LATS2: variants seen among roughly 807,000 people sequenced by gnomAD.
LATS2 encodes large tumor suppressor kinase 2.
In LATS2, 24 loss-of-function variants were observed where a neutral mutation model predicts 76.0. The ratio of observed to expected loss-of-function variants is 0.32; its 90% CI spans 0.23 to 0.44. The LOEUF (loss-of-function observed/expected upper bound fraction) is 0.44. Among genes scored for constraint, LATS2 ranks in the 20% least tolerant of loss-of-function variants. The pLI is 1.00. For missense variants in LATS2, 1,286 were observed against 1,481.2 expected (o/e 0.87, Z 2.16); for synonymous variants, 692 against 635.4 (o/e 1.09, Z -1.34).
chr13:20,987,056 G>C (rs1007480532), intron 4 of LATS2, among the ~76,000 whole-genome samples: 1 of 152,234 alleles, frequency 6.6e-6, no homozygotes, highest in Middle Eastern at 3.4e-3. Context: ...ATGGCCAGGC[G>C]TGGTGGTAGG....
At chr13:21,049,893 G>A (rs1433532741) in intron 1 of LATS2, among the ~76,000 whole-genome samples, 3 of 152,078 alleles carry the variant, frequency 2.0e-5, no homozygotes, top group Non-Finnish European at 2.9e-5. Flanking sequence ...TGCCGAGGCA[G>A]GCAGATCACT....
intron 2 of LATS2, among the ~76,000 whole-genome samples, chr13:21,030,591 CAAAAAAAAAAAA>C (rs374884189): frequency 3.5e-4 from 9 of 25,728 alleles, no homozygotes; most frequent in Non-Finnish European, 6.3e-4. Context: ...GACTCCGTCT[CAAAAAAAAAAAA>C]AAAAAAAAGA....
rs534437729 is a variant in LATS2 at position 20,974,055 on chromosome 13, C to G, written c.*815G>C. The G allele has an allele frequency of 5.0e-5, 11 of 219,412 alleles. 1 individual carries two copies. In the South Asian group the frequency reaches 1.5e-3, roughly 30 times the overall value. The allele number at this position is 219,412 out of a possible 1,614,324, so 13.6% of individuals were successfully genotyped here. A position where few individuals can be genotyped will look rare whatever the true frequency, so the allele number is the denominator to read the frequency against. Reference sequence around the variant, plus strand: ...ACACATCTGCATTTCTTTAACAAAACAGTAAGAGATACAATCATAGCGAAG... The same window carrying G: ...ACACATCTGCATTTCTTTAACAAAAGAGTAAGAGATACAATCATAGCGAAG... On this transcript the variant is annotated 3_prime_UTR_variant, in exon 8 of 8. Transcript: ENST00000382592.
intron 2 of LATS2, among the ~76,000 whole-genome samples, chr13:20,995,769 A>G (rs1870725384): frequency 6.7e-6 from 1 of 148,826 alleles, no homozygotes; most frequent in Non-Finnish European, 1.5e-5. Flanking sequence ...TCCATTATCT[A>G]GTTTGCACAC....
rs141238358 is a variant in LATS2 at position 20,989,208 on chromosome 13, T to C, written c.572A>G (p.Tyr191Cys). The C allele has an allele frequency of 4.3e-4, 701 of 1,613,608 alleles. No individual in the cohort carries two copies. Among genetic ancestry groups the C allele is most frequent in the Non-Finnish European group, 5.6e-4 (663 of 1,179,994 alleles). Residue 191 changes from tyrosine (Y) to cysteine (C), a missense_variant, in exon 4 of 8, where the codon TAC (tyrosine) becomes TGC (cysteine). Physicochemically the swap from Tyr to Cys is radical, Grantham distance 194. Transcript: ENST00000382592. ...GTCAGCGCCGAAGCTTGGGCCCTCGTAGGGGGTACCGCTCAGCTGGTGGTA... is the reference window on the plus strand; with the variant it reads ...GTCAGCGCCGAAGCTTGGGCCCTCGCAGGGGGTACCGCTCAGCTGGTGGTA... The part of the protein sequence containing the change: ...ASYHQLSGTP[Y>C]EGPSFGADGP...
chr13:21,047,059 T>C (rs1271021233), intron 1 of LATS2, among the ~76,000 whole-genome samples: 1 of 152,160 alleles, frequency 6.6e-6, no homozygotes, highest in Non-Finnish European at 1.5e-5. Flanking sequence ...AGCATGGAAA[T>C]GGCCTCGTTA....
At chr13:21,060,657 G>C (rs868866416) in intron 1 of LATS2, among the ~76,000 whole-genome samples, 91 of 151,768 alleles carry the variant, frequency 6.0e-4, no homozygotes, top group African/African-American at 2.0e-3. Context: ...CGCGGCAGTG[G>C]GTGAGGCGGC....
At chr13:21,020,785 C>A (rs994909930) in intron 2 of LATS2, among the ~76,000 whole-genome samples, 1 of 152,138 alleles carries the variant, frequency 6.6e-6, no homozygotes, top group Non-Finnish European at 1.5e-5. Flanking sequence ...CAGGCAACCC[C>A]GTCATGCAAG....
Position 20,974,873 on chromosome 13 carries a change from C to T in LATS2, c.3264G>A (p.Val1088=). ...DQTEGCQPVY[V] is the part of the protein sequence containing the mutation. The stretch of plus-strand genomic sequence containing the variant: ...GGTGGGGGTGCCTGGCCCCCATCTA[C>T]ACGTACACAGGCTGGCAGCCTTCAG... Residue 1088 remains valine (V), a synonymous_variant, in exon 8 of 8, where the codon GTG becomes GTA. Coordinates refer to ENST00000382592, the MANE Select transcript of LATS2 (RefSeq NM_014572.3). 1 of 1,608,252 alleles carries T rather than the reference C, an allele frequency of 6.2e-7. No individual in the cohort carries two copies. The highest frequency in any genetic ancestry group is 8.5e-7 in the Non-Finnish European group (1 of 1,177,158).
At chr13:20,980,359 G>A (rs78049554) in intron 6 of LATS2, among the ~76,000 whole-genome samples, 5,305 of 152,324 alleles carry the variant, frequency 0.035, 121 homozygotes, top group East Asian at 0.057. Context: ...TGGCCTCTGG[G>A]AGGCTGTAGG....
chr13:21,056,214 T>G (rs532469301), intron 1 of LATS2, among the ~76,000 whole-genome samples: 42 of 150,818 alleles, frequency 2.8e-4, no homozygotes, highest in African/African-American at 1.0e-3. Context: ...TGAGGGGGAG[T>G]TTCGCCATGA....
chr13:21,040,977 C>CT (rs1268024897), intron 2 of LATS2, among the ~76,000 whole-genome samples: 3,347 of 147,320 alleles, frequency 0.023, 99 homozygotes, highest in African/African-American at 0.075. Flanking sequence ...ATGTGTTCAC[C>CT]TTTTTTTTTT....
chr13:20,985,941 G>C (rs1870120301), intron 4 of LATS2, among the ~76,000 whole-genome samples: 1 of 152,088 alleles, frequency 6.6e-6, no homozygotes, highest in Non-Finnish European at 1.5e-5. Context: ...CTGCTCGGTA[G>C]GCTGAGGCAG....
chr13:21,054,314 C>T (rs1400166308), intron 1 of LATS2, among the ~76,000 whole-genome samples: 1 of 152,094 alleles, frequency 6.6e-6, no homozygotes, highest in African/African-American at 2.4e-5. Flanking sequence ...CAAAAATTAG[C>T]TGGAAATCGC....
chr13:21,044,149 A>G (rs181624868), intron 2 of LATS2, among the ~76,000 whole-genome samples: 1 of 152,232 alleles, frequency 6.6e-6, no homozygotes, highest in Non-Finnish European at 1.5e-5. Flanking sequence ...AACAATCCTC[A>G]CTATATACAA....
Position 21,058,591 on chromosome 13 carries a change from T to C in LATS2, c.-205+2755A>G, listed in dbSNP as rs989244828. On this transcript the variant is annotated intron_variant, in intron 1 of 7. Coordinates refer to ENST00000382592, the MANE Select transcript of LATS2 (RefSeq NM_014572.3). ...AACATGTACAGCTCCAATTTACACTTAAACTATTTCAAACTCGATGGAGAA... is the reference window on the plus strand; with the variant it reads ...AACATGTACAGCTCCAATTTACACTCAAACTATTTCAAACTCGATGGAGAA... Among the ~76,000 whole-genome samples, 4 of 152,240 alleles carry C rather than the reference T, an allele frequency of 2.6e-5. No individual in the cohort carries two copies. The East Asian group carries it at 7.7e-4, about 29-fold the overall frequency.
rs749117314 is a variant in LATS2, at chr13:20,975,244, C to G, written c.2893G>C (p.Asp965His). The stretch of plus-strand genomic sequence containing the variant: ...AAGAAGGGGTGGGCCTTCAGGTCAT[C>G]GGCCCCATTCCGCCCCAGGCGGTGG... ...ADHRLGRNGA[D>H]DLKAHPFFSA... Residue 965 changes from aspartate (D) to histidine (H), a missense_variant, in exon 8 of 8, where the codon GAT becomes CAT. Asp to His is a moderately conservative substitution (Grantham distance 81). This residue lies in a region of LATS2 where 210 missense variants were observed against 234.9 expected (regional missense o/e 0.89). Coordinates refer to ENST00000382592, the MANE Select transcript of LATS2 (RefSeq NM_014572.3). The G allele has an allele frequency of 2.5e-6, 4 of 1,614,218 alleles. No homozygotes were observed. In the Admixed American group the frequency reaches 6.7e-5, roughly 27 times the overall value.
chr13:20,975,224 G>C lies in LATS2; in HGVS notation c.2913C>G (p.Pro971=). ...TGGAGAAGTCAATGGCGCTGAAGAA[G>C]GGGTGGGCCTTCAGGTCATCGGCCC... ...RNGADDLKAH[P]FFSAIDFSSD... The change falls in exon 8 of 8, where the codon CCC becomes CCG. Residue 971 remains proline, a synonymous_variant. Transcript: ENST00000382592. The C allele has an allele frequency of 6.2e-7, 1 of 1,614,248 alleles. No individual in the cohort carries two copies. The highest frequency in any genetic ancestry group is 8.5e-7 in the Non-Finnish European group (1 of 1,180,046).
intron 1 of LATS2, among the ~76,000 whole-genome samples, chr13:21,057,403 C>T (rs1873481241): frequency 6.6e-6 from 1 of 152,206 alleles, no homozygotes; most frequent in Admixed American, 6.5e-5. Flanking sequence ...ACAAAGTCTT[C>T]CCAGGGTGAA....
Sources: allele counts gnomAD v4.1 joint callset (sites outside exome capture counted in the v4.1 genomes callset), GRCh38; gene constraint gnomAD v4.1.1; regional missense constraint gnomAD v4.1.1; transcripts MANE v1.5; gene names NCBI Gene and HGNC (gene_info 2026-07-23, HGNC 2026-07-21).